ZNF883: variants seen among roughly 807,000 people sequenced by gnomAD.
The protein encoded by ZNF883 is zinc finger protein 883.
chr9:113,003,002 G>T (rs989885765), upstream of ZNF883, among the ~76,000 whole-genome samples: 1 of 152,126 alleles, frequency 6.6e-6, no homozygotes, highest in Non-Finnish European at 1.5e-5. Context: ...CAAGCCTCCA[G>T]AACTGTGATA....
intron 2 of ZNF883, among the ~76,000 whole-genome samples, chr9:113,003,855 T>C (rs1828450157): frequency 6.6e-6 from 1 of 152,196 alleles, no homozygotes; most frequent in Non-Finnish European, 1.5e-5. Context: ...TGAAAAGCCA[T>C]GTTTCTGGAT....
exon 1 of ZNF883, chr9:112,997,343 G>A: frequency 1.2e-6 from 2 of 1,614,040 alleles, no homozygotes; most frequent in Non-Finnish European, 1.7e-6. Flanking sequence ...AATTAGTGAT[G>A]TTCTATAGCA....
At chr9:113,001,298 G>A (rs1828421361), upstream of ZNF883, among the ~76,000 whole-genome samples, 1 of 152,078 alleles carries the variant, frequency 6.6e-6, no homozygotes, top group East Asian at 1.9e-4. Flanking sequence ...ATGTCTGAAA[G>A]TAGAAGGAAA....
chr9:113,000,312 T>A (rs1249178775), upstream of ZNF883, among the ~76,000 whole-genome samples: 1 of 152,180 alleles, frequency 6.6e-6, no homozygotes, highest in African/African-American at 2.4e-5. Context: ...TGGGATCAGA[T>A]AATAAAAAAC....
upstream of ZNF883, chr9:112,998,290 ATTTTTTCATTT>A: frequency 7.0e-7 from 1 of 1,438,562 alleles, no homozygotes; most frequent in Non-Finnish European, 9.1e-7. Flanking sequence ...ACATTTATTT[ATTTTTTCATTT>A]TTGTCGGTAT....
intron 1 of ZNF883, among the ~76,000 whole-genome samples, chr9:112,988,617 C>A (rs914068546): frequency 6.6e-6 from 1 of 152,110 alleles, no homozygotes; most frequent in Non-Finnish European, 1.5e-5. Context: ...AATAAACATA[C>A]GTGTGCATGT....
chr9:112,996,789 TCAAAAAAAAAAAA>T (rs1438910319), downstream of ZNF883, among the ~76,000 whole-genome samples: 28 of 28,292 alleles, frequency 9.9e-4, no homozygotes, highest in Admixed American at 5.7e-3. Context: ...AGACTCCGTC[TCAAAAAAAAAAAA>T]AAAAAAAAAA....
At chr9:112,988,640 G>C (rs1025781730) in intron 1 of ZNF883, among the ~76,000 whole-genome samples, 9 of 152,134 alleles carry the variant, frequency 5.9e-5, no homozygotes, top group African/African-American at 4.8e-5. Context: ...CTTCATAATA[G>C]AATGATTTAT....
chr9:112,995,243 G>A (rs1438917824), downstream of ZNF883, among the ~76,000 whole-genome samples: 1 of 152,088 alleles, frequency 6.6e-6, no homozygotes. Flanking sequence ...CTGTCTTCAA[G>A]CTGGGACACT....
chr9:113,004,948 A>G (rs1355508167), intron 2 of ZNF883, among the ~76,000 whole-genome samples: 1 of 152,016 alleles, frequency 6.6e-6, no homozygotes, highest in Non-Finnish European at 1.5e-5. Flanking sequence ...TAGCATTTCA[A>G]ATTATTTGAG....
intron 1 of ZNF883, among the ~76,000 whole-genome samples, chr9:112,989,521 T>C (rs1302445226): frequency 6.6e-6 from 1 of 152,240 alleles, no homozygotes; most frequent in Non-Finnish European, 1.5e-5. Context: ...TTGGTTACTG[T>C]AGCCTCATAG....
At chr9:112,996,090 G>A (rs1217966960), downstream of ZNF883, among the ~76,000 whole-genome samples, 1 of 151,574 alleles carries the variant, frequency 6.6e-6, no homozygotes, top group Non-Finnish European at 1.5e-5. Context: ...TTCCTGTACA[G>A]ATTTATTCTT....
chr9:112,998,472 A>G, upstream of ZNF883: 1 of 382,038 alleles, frequency 2.6e-6, no homozygotes, highest in East Asian at 4.0e-5. Flanking sequence ...TTGATGTCAT[A>G]GTTACAGTAG....
chr9:113,001,609 A>G (rs1187425441), upstream of ZNF883, among the ~76,000 whole-genome samples: 2 of 152,164 alleles, frequency 1.3e-5, no homozygotes, highest in East Asian at 3.8e-4. Context: ...TAGCACCACC[A>G]TAATGGATAA....
chr9:113,007,703 G>A (rs1484128612), intron 2 of ZNF883, among the ~76,000 whole-genome samples: 2 of 152,142 alleles, frequency 1.3e-5, no homozygotes, highest in Non-Finnish European at 2.9e-5. Context: ...CACAAATGAT[G>A]TCATAATGTC....
intron 1 of ZNF883, among the ~76,000 whole-genome samples, chr9:112,990,778 T>C (rs574181891): frequency 6.6e-6 from 1 of 152,224 alleles, no homozygotes; most frequent in South Asian, 2.1e-4. Flanking sequence ...TAGCTTATTA[T>C]TGCCTAATTT....
chr9:112,995,208 CTGAG>C (rs140393912), downstream of ZNF883, among the ~76,000 whole-genome samples: 8,677 of 152,222 alleles, frequency 0.057, 343 homozygotes, highest in East Asian at 0.091. Flanking sequence ...GAATAAAAGG[CTGAG>C]TAAGAGACTT....
chr9:112,997,571 ATTC>A (rs774375274), exon 1 of ZNF883: 1 of 1,613,946 alleles, frequency 6.2e-7, no homozygotes, highest in African/African-American at 1.3e-5. Flanking sequence ...TCCAGTATGA[ATTC>A]TTTGATGTTG....
At chr9:112,993,616 C>T (rs914817952), downstream of ZNF883, among the ~76,000 whole-genome samples, 2 of 152,234 alleles carry the variant, frequency 1.3e-5, no homozygotes, top group Non-Finnish European at 2.9e-5. Flanking sequence ...CCCACTCGTC[C>T]AGACTGCCCG....
Sources: gnomAD v4.1 joint callset for allele counts (sites outside exome capture counted in the v4.1 genomes callset) on GRCh38, gnomAD v4.1.1 for gene constraint, MANE v1.5 for transcripts, NCBI Gene and HGNC (gene_info 2026-07-23, HGNC 2026-07-21) for gene names.